Variants in SATB1 observed in about 807,000 individuals in gnomAD.
SATB1 encodes the protein SATB homeobox 1.
Under a neutral mutation model 86.9 loss-of-function variants are expected in SATB1, and 11 were observed. The observed-to-expected ratio is 0.13, with a 90% CI of 0.08 to 0.21. The LOEUF is 0.21. Ranked by LOEUF, SATB1 falls within the 10% of genes least tolerant of loss-of-function variation. The pLI is 1.00. For missense variants in SATB1, 551 were observed against 937.6 expected, an observed-to-expected ratio of 0.59 and a Z score of 5.39; for synonymous variants, 357 against 357.2, an observed-to-expected ratio of 1.00 and a Z score of 0.01.
At chr3:18,379,905 C>T (rs1265871170) in intron 8 of SATB1, among the ~76,000 whole-genome samples, 3 of 152,196 alleles carry the variant, frequency 2.0e-5, no homozygotes, top group Admixed American at 6.5e-5. Flanking sequence ...AGCTTTGCCA[C>T]TCTAGTAAGC....
intron 10 of SATB1, chr3:18,350,866 CAT>C (rs1026728355): frequency 8.2e-6 from 2 of 244,898 alleles, no homozygotes; most frequent in East Asian, 1.1e-4. Flanking sequence ...CACGCACACA[CAT>C]ATATATAATT....
chr3:18,389,354 T>C (rs1045941637), intron 7 of SATB1, among the ~76,000 whole-genome samples: 1 of 151,592 alleles, frequency 6.6e-6, no homozygotes, highest in African/African-American at 2.4e-5. Context: ...ACATTTTGAT[T>C]AGTGATAATT....
intron 5 of SATB1, chr3:18,411,139 G>C: frequency 2.8e-6 from 1 of 358,638 alleles, no homozygotes; most frequent in Non-Finnish European, 4.9e-6. Context: ...TATATATTTT[G>C]CTACTTGAAA....
intron 7 of SATB1, among the ~76,000 whole-genome samples, chr3:18,392,233 G>C (rs1696714518): frequency 6.6e-6 from 1 of 152,070 alleles, no homozygotes; most frequent in Non-Finnish European, 1.5e-5. Context: ...TAACCACAGA[G>C]ATGATTACCT....
At chr3:18,397,613 T>C (rs559536989) in intron 5 of SATB1, among the ~76,000 whole-genome samples, 1 of 152,166 alleles carries the variant, frequency 6.6e-6, no homozygotes, top group African/African-American at 2.4e-5. Flanking sequence ...TCCAAATACA[T>C]GAAGATGACT....
Position 18,349,332 on chromosome 3 carries a change from G to A in SATB1, c.2130C>T (p.Ser710=), listed in dbSNP as rs761441678. ...LKHHGKLKDN[S]GLEVDVAEYK... is the part of the protein sequence containing the mutation. ...ATTCTGCCACATCGACCTCTAAACC[G>A]GAATTGTCCTTCAGTTTGCCGTGGT... The change falls in exon 11 of 11, where the codon TCC becomes TCT. Residue 710 remains serine (S), a synonymous_variant. Coordinates refer to ENST00000338745, the MANE Select transcript of SATB1 (RefSeq NM_002971.6). The surrounding 1 kb of genome is among the most constrained non-coding windows in gnomAD (Gnocchi z 5.5). The A allele has an allele frequency of 1.4e-5, 22 of 1,613,986 alleles. No individual in the cohort carries two copies. The Admixed American group carries it at 2.3e-4, about 17-fold the overall frequency.
intron 8 of SATB1, among the ~76,000 whole-genome samples, chr3:18,382,808 A>G (rs996469004): frequency 6.6e-6 from 1 of 152,228 alleles, no homozygotes; most frequent in Non-Finnish European, 1.5e-5. Flanking sequence ...ACAAACAAAA[A>G]GATCTCCAAG....
At chr3:18,366,246 G>A (rs1388998375) in intron 9 of SATB1, among the ~76,000 whole-genome samples, 1 of 147,224 alleles carries the variant, frequency 6.8e-6, no homozygotes, top group South Asian at 2.3e-4. Flanking sequence ...GGATTTCAAG[G>A]TATTCTTTTT....
chr3:18,359,162 T>C (rs1479934572), intron 9 of SATB1, among the ~76,000 whole-genome samples: 2 of 152,028 alleles, frequency 1.3e-5, no homozygotes, highest in African/African-American at 4.8e-5. Flanking sequence ...GGTATTTATG[T>C]TTACCTCTTC....
At chr3:18,362,977 T>C (rs2125151481) in intron 9 of SATB1, among the ~76,000 whole-genome samples, 1 of 152,018 alleles carries the variant, frequency 6.6e-6, no homozygotes, top group Non-Finnish European at 1.5e-5. Context: ...AAAAATAATT[T>C]ACTACCAGGT....
At chr3:18,415,320 T>G in intron 4 of SATB1, 86 bp from the exon 5 acceptor site, 5 of 1,512,182 alleles carry the variant, frequency 3.3e-6, no homozygotes, top group Non-Finnish European at 4.5e-6. Flanking sequence ...AGATTTCATT[T>G]TGCGCATCAA....
chr3:18,384,823 T>G (rs1696245580), intron 8 of SATB1, among the ~76,000 whole-genome samples: 1 of 152,164 alleles, frequency 6.6e-6, no homozygotes, highest in Admixed American at 6.5e-5. Context: ...GAGATCAAAT[T>G]CAATAACTTT....
intron 5 of SATB1, among the ~76,000 whole-genome samples, chr3:18,400,134 AG>A (rs1697179658): frequency 6.6e-6 from 1 of 152,162 alleles, no homozygotes; most frequent in African/African-American, 2.4e-5. Flanking sequence ...CAAATAAAAA[AG>A]TCATGATTGG....
chr3:18,389,837 CATAA>C (rs1696554507), intron 7 of SATB1, among the ~76,000 whole-genome samples: 1 of 152,100 alleles, frequency 6.6e-6, no homozygotes. Context: ...ACCAGTACCT[CATAA>C]ATATTCATTT....
In SATB1 at chr3:18,347,804, TAC is replaced by T. The variant is rs1325303044; in HGVS notation, c.*1364_*1365del. ...TGAGCATGTGTTTGTGATTTAAATT[TAC>T]AGTGTTTCAAGTAACTTGTCAATTG... On this transcript the variant is annotated 3_prime_UTR_variant, in exon 11 of 11. Transcript: ENST00000338745. The T allele has an allele frequency of 2.6e-5, 4 of 152,234 alleles. No homozygotes were observed. The highest frequency in any genetic ancestry group is 4.8e-5 in the African/African-American group (2 of 41,466). The allele number at this position is 152,234 out of a possible 1,614,324, so 9.4% of individuals were successfully genotyped here.
At chr3:18,373,401 T>A (rs2125175732) in intron 9 of SATB1, among the ~76,000 whole-genome samples, 1 of 152,338 alleles carries the variant, frequency 6.6e-6, no homozygotes, top group Admixed American at 6.5e-5. Flanking sequence ...TGAAGTGTAA[T>A]TTAATTCTAA....
In SATB1 at chr3:18,394,970, A is replaced by T; in HGVS notation, c.752-54T>A. ...TCAGCCAACAATGATTGGCATTGAT[A>T]AAGATTTCTAACCATTTCCTAAATT... On this transcript the variant is annotated intron_variant, in intron 6 of 10. Transcript: ENST00000338745. This position sits in a 1 kb window ranked among gnomAD's most constrained non-coding sequence, Gnocchi z 5.9. 13 of 1,333,724 alleles carry T rather than the reference A, an allele frequency of 9.7e-6. No homozygotes were observed. Among genetic ancestry groups the T allele is most frequent in the Non-Finnish European group, 1.3e-5 (13 of 985,322 alleles). The allele number at this position is 1,333,724 out of a possible 1,614,324, so 82.6% of individuals were successfully genotyped here. A position where few individuals can be genotyped will look rare whatever the true frequency, so the allele number is the denominator to read the frequency against.
rs369942981 is a variant in SATB1 at position 18,349,919 on chromosome 3, A to G, written c.1780-237T>C. On this transcript the variant is annotated intron_variant, in intron 10 of 10. Transcript: ENST00000338745. The surrounding 1 kb of genome is among the most constrained non-coding windows in gnomAD (Gnocchi z 5.5). ...CTTTGGGGGGCTACTGCACTTACTT[A>G]TCAGAGATCAGCAGAGGAAGTGAAA... is the stretch of plus-strand genomic sequence containing the variant. 1 of 601,380 alleles carries G rather than the reference A, an allele frequency of 1.7e-6. No homozygotes were observed. The highest frequency in any genetic ancestry group is 2.7e-6 in the Non-Finnish European group (1 of 372,508). 37.3% of individuals were successfully genotyped at this position (601,380 alleles called of 1,614,324 possible).
rs1694198411 is a variant in SATB1, at chr3:18,348,886, T to A, written c.*284A>T. 1 of 400,518 alleles carries A rather than the reference T, an allele frequency of 2.5e-6. No homozygotes were observed. Among genetic ancestry groups the A allele is most frequent in the Non-Finnish European group, 4.4e-6 (1 of 225,354 alleles). 24.8% of individuals were successfully genotyped at this position (400,518 alleles called of 1,614,324 possible). On this transcript the variant is annotated 3_prime_UTR_variant, in exon 11 of 11. Coordinates refer to ENST00000338745, the MANE Select transcript of SATB1 (RefSeq NM_002971.6). ...TAAAAAAAAAACAAAAAACACTGGT[T>A]TCATGCTTACGGGGTACACACTTTG...
Sources: gnomAD v4.1 joint callset for allele counts (sites outside exome capture counted in the v4.1 genomes callset) on GRCh38, gnomAD v4.1.1 for gene constraint, Gnocchi (gnomAD v3.1) non-coding constraint, MANE v1.5 for transcripts, NCBI Gene and HGNC (gene_info 2026-07-23, HGNC 2026-07-21) for gene names.